Variants in ANKH observed in about 807,000 individuals in gnomAD.
ANKH encodes the protein mineralization regulator ANKH.
Under a neutral mutation model 49.0 loss-of-function variants are expected in ANKH, and 15 were observed. The ratio of observed to expected loss-of-function variants is 0.31; its 90% CI spans 0.20 to 0.47. The LOEUF (loss-of-function observed/expected upper bound fraction) is 0.47. Ranked by LOEUF, ANKH falls within the 20% of genes least tolerant of loss-of-function variation. The pLI is 1.00. For missense variants in ANKH, 429 were observed against 652.0 expected (o/e 0.66, Z 3.72); for synonymous variants, 273 against 260.0 (o/e 1.05, Z -0.48).
At chr5:14,759,618 A>G (rs1739008505) in intron 2 of ANKH, among the ~76,000 whole-genome samples, 1 of 151,850 alleles carries the variant, frequency 6.6e-6, no homozygotes, top group African/African-American at 2.4e-5. Flanking sequence ...TTAGCCCGGC[A>G]TGGTGGTACA....
intron 8 of ANKH, among the ~76,000 whole-genome samples, chr5:14,738,384 G>A (rs1260685457): frequency 1.3e-5 from 2 of 152,108 alleles, no homozygotes. Flanking sequence ...TGAGTCATTG[G>A]GTGTCTACAG....
intron 1 of ANKH, among the ~76,000 whole-genome samples, chr5:14,842,754 C>T (rs866265657): frequency 3.9e-5 from 6 of 152,134 alleles, no homozygotes; most frequent in Admixed American, 2.0e-4. Context: ...CAAGTATGAA[C>T]GACACACTGA....
At chr5:14,774,519 C>T (rs760242431) in intron 1 of ANKH, among the ~76,000 whole-genome samples, 2 of 152,118 alleles carry the variant, frequency 1.3e-5, no homozygotes, top group Admixed American at 6.5e-5. Flanking sequence ...CTCACTGCAA[C>T]CTCCGCCTCC....
chr5:14,755,082 A>G lies in ANKH; in HGVS notation c.516+779T>C, dbSNP rs562994798. Among the ~76,000 whole-genome samples, 3 of 150,992 alleles carry G rather than the reference A, an allele frequency of 2.0e-5. No individual in the cohort carries two copies. The South Asian group carries it at 6.2e-4, about 31-fold the overall frequency. ...GTCTCAAAAAAAAAAAAAAAAAGAC[A>G]TGAGAATTTGGAAAGGCATTTAGAG... On this transcript the variant is annotated intron_variant, in intron 4 of 11. Coordinates refer to ENST00000284268, the MANE Select transcript of ANKH (RefSeq NM_054027.6).
At position 14,769,181 on chromosome 5, in the gene ANKH, C is replaced by T. The variant is rs893492029; in HGVS notation, c.107G>A (p.Arg36Gln). 5.0e-6 allele frequency: 8 copies of T among 1,613,384 alleles called. No individual in the cohort carries two copies. Among genetic ancestry groups the T allele is most frequent in the East Asian group, 2.2e-5 (1 of 44,824 alleles). The change falls in exon 2 of 12, where the codon CGG (arginine) becomes CAG (glutamine). Residue 36 changes from arginine (R) to glutamine (Q), a missense_variant. By Grantham distance (43) the Arg-to-Gln change is conservative. Coordinates refer to ENST00000284268, the MANE Select transcript of ANKH (RefSeq NM_054027.6). ...ATCCTCCTTGACAGCAGCAATGCCC[C>T]GGTTCAAGGCCTGGGAAGGGGGAAA... ...AIDFGEQALN[R>Q]GIAAVKEDAV...
intron 1 of ANKH, among the ~76,000 whole-genome samples, chr5:14,796,191 G>T (rs1488914794): frequency 2.0e-5 from 3 of 149,896 alleles, no homozygotes; most frequent in Admixed American, 2.0e-4. Flanking sequence ...ATGTAGAAAA[G>T]CAATTTATTC....
At chr5:14,841,061 A>G (rs1741801318) in intron 1 of ANKH, among the ~76,000 whole-genome samples, 1 of 152,216 alleles carries the variant, frequency 6.6e-6, no homozygotes, top group Non-Finnish European at 1.5e-5. Flanking sequence ...ACTAATATGT[A>G]TGAGGATACT....
chr5:14,812,117 T>TAA (rs55728743), intron 1 of ANKH, among the ~76,000 whole-genome samples: 6 of 126,554 alleles, frequency 4.7e-5, no homozygotes, highest in African/African-American at 1.5e-4. Flanking sequence ...GTATTTATCT[T>TAA]AAAAAAAAAA....
At chr5:14,862,511 C>A (rs1173608653) in intron 1 of ANKH, among the ~76,000 whole-genome samples, 2 of 152,104 alleles carry the variant, frequency 1.3e-5, no homozygotes, top group African/African-American at 4.8e-5. Flanking sequence ...TCTTGCAATT[C>A]CATCTTCATC....
chr5:14,756,440 A>G (rs1738887194), intron 3 of ANKH, among the ~76,000 whole-genome samples: 2 of 152,094 alleles, frequency 1.3e-5, no homozygotes, highest in Non-Finnish European at 2.9e-5. Context: ...ACTTTGGGAG[A>G]TGAGGAGGAA....
At chr5:14,786,368 T>C (rs1395586879) in intron 1 of ANKH, among the ~76,000 whole-genome samples, 1 of 152,252 alleles carries the variant, frequency 6.6e-6, no homozygotes. Flanking sequence ...CTGAACTCAT[T>C]TGTAAATCTG....
intron 4 of ANKH, among the ~76,000 whole-genome samples, chr5:14,755,410 G>GT (rs1376922750): frequency 6.6e-6 from 1 of 152,134 alleles, no homozygotes; most frequent in Admixed American, 6.5e-5. Flanking sequence ...GCCCTGCATG[G>GT]TAACAACAGA....
intron 1 of ANKH, among the ~76,000 whole-genome samples, chr5:14,830,341 A>T (rs1036095719): frequency 6.6e-6 from 1 of 152,294 alleles, no homozygotes; most frequent in East Asian, 1.9e-4. Flanking sequence ...GCACCCACAC[A>T]GGCTGGAATG....
Position 14,712,869 on chromosome 5 carries a change from C to T in ANKH, c.1365+5G>A, listed in dbSNP as rs1300037916. ...GGGAGGAGGCTCCCGGCGCGGCTGT[C>T]TCACCTGCTTCCGGTAGACATAGCA... is the stretch of plus-strand genomic sequence containing the variant. On this transcript the variant is annotated splice_donor_5th_base_variant and intron_variant, in intron 11 of 11. Coordinates refer to ENST00000284268, the MANE Select transcript of ANKH (RefSeq NM_054027.6). 6.2e-7 allele frequency: 1 copy of T among 1,604,806 alleles called. No homozygotes were observed. Among genetic ancestry groups the T allele is most frequent in the Non-Finnish European group, 8.5e-7 (1 of 1,176,260 alleles).
intron 1 of ANKH, among the ~76,000 whole-genome samples, chr5:14,781,619 A>G (rs1027978393): frequency 7.9e-5 from 12 of 152,228 alleles, no homozygotes; most frequent in Non-Finnish European, 1.6e-4. Context: ...TTAGTGTCAT[A>G]AGACCCTCTT....
chr5:14,790,677 G>A (rs1037332202), intron 1 of ANKH, among the ~76,000 whole-genome samples: 2 of 152,126 alleles, frequency 1.3e-5, no homozygotes, highest in African/African-American at 4.8e-5. Flanking sequence ...GTGCGATCTC[G>A]GCTCACTGCA....
At chr5:14,871,213 C>A (rs1735810018) in intron 1 of ANKH, 139 bp downstream of exon 1, 2 of 759,060 alleles carry the variant, frequency 2.6e-6, no homozygotes, top group South Asian at 1.5e-5. Context: ...GGAAAAGTCA[C>A]CCTTGACAAG....
chr5:14,781,606 G>C (rs1351079991), intron 1 of ANKH, among the ~76,000 whole-genome samples: 1 of 152,176 alleles, frequency 6.6e-6, no homozygotes, highest in Non-Finnish European at 1.5e-5. Flanking sequence ...TGAAAGGGTA[G>C]ACTTAGTGTC....
At chr5:14,799,871 A>G (rs1185028001) in intron 1 of ANKH, among the ~76,000 whole-genome samples, 1 of 152,306 alleles carries the variant, frequency 6.6e-6, no homozygotes, top group Non-Finnish European at 1.5e-5. Flanking sequence ...AAGTCTTACT[A>G]TTTAAGAAAT....
Sources: allele counts gnomAD v4.1 joint callset (sites outside exome capture counted in the v4.1 genomes callset), GRCh38; gene constraint gnomAD v4.1.1; transcripts MANE v1.5; gene names NCBI Gene and HGNC (gene_info 2026-07-23, HGNC 2026-07-21).